The following BICC1 variants were observed in gnomAD, a reference collection of about 807,000 sequenced individuals.
BICC1 encodes protein bicaudal C homolog 1.
BICC1 carries 43 observed loss-of-function variants against 111.0 expected under a neutral mutation model. The observed-to-expected ratio is 0.39, with a 90% confidence interval of 0.30 to 0.50. The LOEUF (loss-of-function observed/expected upper bound fraction) is 0.50, where lower values mean the gene tolerates loss of function less well. Among genes scored for constraint, BICC1 ranks in the 20% least tolerant of loss-of-function variants. The probability of loss-of-function intolerance (pLI) is 0.88; values close to 1 mark genes in which losing one functional copy is unlikely to be tolerated. For synonymous variants in BICC1, 467 were observed against 434.4 expected, an observed-to-expected ratio of 1.07 and a Z score of -0.93; for missense variants, 1,091 against 1,203.2, an observed-to-expected ratio of 0.91 and a Z score of 1.38.
intron 1 of BICC1, among the ~76,000 whole-genome samples, chr10:58,575,051 A>G (rs1197988722): frequency 1.3e-5 from 2 of 151,754 alleles, no homozygotes; most frequent in East Asian, 1.9e-4. Context: ...TCTGGGATAC[A>G]TGTGCAGAAC....
chr10:58,702,257 G>A, intron 3 of BICC1, 114 bp downstream of exon 3: 1 of 694,984 alleles, frequency 1.4e-6, no homozygotes, highest in Middle Eastern at 2.4e-4. Flanking sequence ...GTCCCAAAAT[G>A]TTTGTTAAGT....
At chr10:58,663,240 T>A (rs1352217918) in intron 2 of BICC1, among the ~76,000 whole-genome samples, 2 of 151,936 alleles carry the variant, frequency 1.3e-5, no homozygotes, top group East Asian at 1.9e-4. Flanking sequence ...CTAATTTTTT[T>A]ATTTTTAGTA....
intron 1 of BICC1, among the ~76,000 whole-genome samples, chr10:58,526,004 G>GT (rs1442208797): frequency 1.3e-5 from 2 of 150,278 alleles, no homozygotes; most frequent in Non-Finnish European, 3.0e-5. Context: ...TTTTTTCTTC[G>GT]TGACTGTATT....
intron 2 of BICC1, among the ~76,000 whole-genome samples, chr10:58,655,177 G>T (rs1469111211): frequency 7.0e-6 from 1 of 143,032 alleles, no homozygotes; most frequent in African/African-American, 2.5e-5. Context: ...CTCTTTTTTG[G>T]TTCCATATGA....
At chr10:58,662,417 A>G (rs572241850) in intron 2 of BICC1, among the ~76,000 whole-genome samples, 2 of 152,320 alleles carry the variant, frequency 1.3e-5, no homozygotes, top group South Asian at 4.1e-4. Context: ...CTTAACTAAA[A>G]TGAGAACAAT....
intron 1 of BICC1, among the ~76,000 whole-genome samples, chr10:58,534,851 A>C (rs1187586311): frequency 6.6e-6 from 1 of 151,560 alleles, no homozygotes; most frequent in African/African-American, 2.4e-5. Context: ...AAAAATTAGG[A>C]TATCAATGAA....
At chr10:58,563,468 G>A (rs1453099384) in intron 1 of BICC1, among the ~76,000 whole-genome samples, 2 of 152,138 alleles carry the variant, frequency 1.3e-5, no homozygotes, top group African/African-American at 4.8e-5. Context: ...AGTTCCTCTT[G>A]GTTCAAGCCA....
At chr10:58,792,913 G>A (rs369404331) in intron 8 of BICC1, among the ~76,000 whole-genome samples, 1 of 152,058 alleles carries the variant, frequency 6.6e-6, no homozygotes, top group African/African-American at 2.4e-5. Flanking sequence ...TACCAGAAAG[G>A]TTGGGGACCC....
At chr10:58,581,838 A>C (rs983739551) in intron 1 of BICC1, among the ~76,000 whole-genome samples, 6 of 152,198 alleles carry the variant, frequency 3.9e-5, no homozygotes, top group African/African-American at 1.4e-4. Flanking sequence ...AGAAGATTAA[A>C]AAAAATACTT....
At chr10:58,667,302 C>T (rs1378741724) in intron 2 of BICC1, among the ~76,000 whole-genome samples, 4 of 1,450 alleles carry the variant, frequency 2.8e-3, no homozygotes, top group Non-Finnish European at 0.014. Flanking sequence ...ATTTCTTTAC[C>T]AAACTATGAG....
Position 58,799,169 on chromosome 10 carries a change from G to A in BICC1, c.1642G>A (p.Gly548Ser), listed in dbSNP as rs768711678. The part of the protein sequence containing the change: ...YGHTAPSPPP[G>S]LTPVDVHINS... ...GCACACAGCTCCATCTCCCCCTCCT[G>A]GCTTGACTCCTGTTGATGTCCATAT... Residue 548 changes from glycine to serine, a missense_variant, in exon 12 of 21, where the codon GGC (glycine) becomes AGC (serine). Transcript: ENST00000373886. 1 of 1,613,700 alleles carries A rather than the reference G, an allele frequency of 6.2e-7. No individual in the cohort carries two copies. Among genetic ancestry groups the A allele is most frequent in the East Asian group, 2.2e-5 (1 of 44,812 alleles).
intron 6 of BICC1, 126 bp from the exon 7 acceptor site, chr10:58,789,136 C>T (rs1218412773): frequency 2.0e-5 from 15 of 747,736 alleles, no homozygotes; most frequent in Middle Eastern, 2.9e-4. Flanking sequence ...TGTAGCTAAA[C>T]TTAATATCTA....
chr10:58,720,979 T>C (rs1454311386), intron 3 of BICC1, among the ~76,000 whole-genome samples: 2 of 152,198 alleles, frequency 1.3e-5, no homozygotes, highest in African/African-American at 2.4e-5. Flanking sequence ...CTCCCATGCA[T>C]GCCAACAGCT....
chr10:58,731,909 C>G (rs1281304440), intron 3 of BICC1, among the ~76,000 whole-genome samples: 2 of 152,202 alleles, frequency 1.3e-5, no homozygotes, highest in Non-Finnish European at 2.9e-5. Context: ...GATTACAATT[C>G]AAAATGAGAT....
chr10:58,536,666 A>T (rs1842833809), intron 1 of BICC1, among the ~76,000 whole-genome samples: 1 of 151,774 alleles, frequency 6.6e-6, no homozygotes, highest in African/African-American at 2.4e-5. Context: ...TAGAAAAAGA[A>T]CAAACCAAAC....
chr10:58,723,527 G>A (rs891768482), intron 3 of BICC1, among the ~76,000 whole-genome samples: 7 of 152,192 alleles, frequency 4.6e-5, no homozygotes, highest in Non-Finnish European at 1.0e-4. Flanking sequence ...GCAGAGAGGG[G>A]TTATCTTTGG....
At chr10:58,589,032 C>T (rs1000977057) in intron 1 of BICC1, among the ~76,000 whole-genome samples, 6 of 152,322 alleles carry the variant, frequency 3.9e-5, no homozygotes, top group African/African-American at 1.2e-4. Flanking sequence ...AGGACACCGG[C>T]AGCCAAGGAA....
chr10:58,695,892 A>C (rs2132428123), intron 2 of BICC1, among the ~76,000 whole-genome samples: 1 of 152,314 alleles, frequency 6.6e-6, no homozygotes, highest in Middle Eastern at 3.4e-3. Flanking sequence ...TCATGGATGA[A>C]ACTACTTGTA....
intron 3 of BICC1, among the ~76,000 whole-genome samples, chr10:58,709,292 A>G (rs1037907085): frequency 6.6e-6 from 1 of 152,160 alleles, no homozygotes; most frequent in African/African-American, 2.4e-5. Flanking sequence ...TTTCTCTTCC[A>G]CATATGAGTG....
Sources: gnomAD v4.1 joint callset for allele counts (sites outside exome capture counted in the v4.1 genomes callset) on GRCh38, gnomAD v4.1.1 for gene constraint, MANE v1.5 for transcripts, NCBI Gene and HGNC (gene_info 2026-07-23, HGNC 2026-07-21) for gene names.